The following GLIS3 variants were observed in gnomAD, a reference collection of about 807,000 sequenced individuals.
GLIS3 encodes the protein zinc finger protein GLIS3.
GLIS3 carries 53 observed loss-of-function variants against 78.6 expected under a neutral mutation model. The observed-to-expected ratio is 0.67, with a 90% CI of 0.54 to 0.85. The LOEUF (loss-of-function observed/expected upper bound fraction) is 0.85. GLIS3 is among the 40% of genes least tolerant of loss of function. The pLI is 0.00. For missense variants in GLIS3, 1,703 were observed against 1,231.1 expected, an observed-to-expected ratio of 1.38 and a Z score of -5.74; for synonymous variants, 684 against 509.9, an observed-to-expected ratio of 1.34 and a Z score of -4.60.
At chr9:4,412,514 T>C in the GLIS3 span, among the ~76,000 whole-genome samples, 1 of 152,178 alleles carries the variant, frequency 6.6e-6, no homozygotes, top group African/African-American at 2.4e-5. Context: ...TTTGTATCTC[T>C]GTGTATTCCC....
chr9:4,162,317 A>T (rs1020637379), intron 2 of GLIS3, among the ~76,000 whole-genome samples: 3 of 152,140 alleles, frequency 2.0e-5, no homozygotes, highest in African/African-American at 7.2e-5. Flanking sequence ...CTATCTCCAG[A>T]AAAACAAAAG....
chr9:4,368,673 G>A, the GLIS3 span, among the ~76,000 whole-genome samples: 1 of 152,140 alleles, frequency 6.6e-6, no homozygotes, highest in Non-Finnish European at 1.5e-5. Context: ...CTCTTCTTAA[G>A]CCAAGCACTG....
intron 4 of GLIS3, among the ~76,000 whole-genome samples, chr9:4,067,080 T>C (rs749532242): frequency 1.3e-5 from 2 of 152,202 alleles, no homozygotes; most frequent in African/African-American, 2.4e-5. Flanking sequence ...TCCTAGTTCC[T>C]TCCTTCCACA....
chr9:4,181,326 G>A (rs1188640249), intron 2 of GLIS3, among the ~76,000 whole-genome samples: 1 of 152,162 alleles, frequency 6.6e-6, no homozygotes. Flanking sequence ...ACCATCCTCA[G>A]ACCCATCCCA....
At chr9:3,958,983 C>T (rs575429628) in intron 4 of GLIS3, among the ~76,000 whole-genome samples, 4 of 152,288 alleles carry the variant, frequency 2.6e-5, no homozygotes, top group African/African-American at 7.2e-5. Context: ...TATAGGAAAG[C>T]CTTGGGCTCT....
At chr9:4,282,436 G>C (rs1827643530) in intron 2 of GLIS3, among the ~76,000 whole-genome samples, 1 of 152,154 alleles carries the variant, frequency 6.6e-6, no homozygotes, top group African/African-American at 2.4e-5. Flanking sequence ...GTCCTGAATA[G>C]AACAAGGTTG....
At chr9:4,436,755 G>A in the GLIS3 span, among the ~76,000 whole-genome samples, 4 of 134,362 alleles carry the variant, frequency 3.0e-5, no homozygotes, top group Non-Finnish European at 4.6e-5. Context: ...GCAGTGAGCC[G>A]AGATTGCACC....
chr9:4,101,035 A>G (rs1830332400), intron 4 of GLIS3, among the ~76,000 whole-genome samples: 1 of 152,236 alleles, frequency 6.6e-6, no homozygotes, highest in Non-Finnish European at 1.5e-5. Flanking sequence ...TGAAGGAAAC[A>G]TAAATCACAG....
At chr9:3,984,378 A>G (rs1215590531) in intron 4 of GLIS3, among the ~76,000 whole-genome samples, 1 of 152,216 alleles carries the variant, frequency 6.6e-6, no homozygotes, top group African/African-American at 2.4e-5. Context: ...CCTGGATGTG[A>G]GACATGGAGT....
At chr9:3,874,388 C>T (rs949603451) in intron 8 of GLIS3, among the ~76,000 whole-genome samples, 1 of 152,216 alleles carries the variant, frequency 6.6e-6, no homozygotes, top group Non-Finnish European at 1.5e-5. Flanking sequence ...TCCCGTATGC[C>T]TTGACCTATA....
chr9:4,321,336 G>C (rs112457914), intron 2 of GLIS3, among the ~76,000 whole-genome samples: 23 of 125,490 alleles, frequency 1.8e-4, no homozygotes, highest in African/African-American at 8.9e-4. Flanking sequence ...GCAGGAGAAT[G>C]GCGTGAACCC....
At chr9:4,135,357 C>G (rs1368532539) in intron 2 of GLIS3, among the ~76,000 whole-genome samples, 2 of 152,138 alleles carry the variant, frequency 1.3e-5, no homozygotes, top group Non-Finnish European at 2.9e-5. Flanking sequence ...TGAACTCTAA[C>G]AGGTGAATGT....
At chr9:3,832,191 A>G (rs896246370) in intron 9 of GLIS3, among the ~76,000 whole-genome samples, 6 of 150,032 alleles carry the variant, frequency 4.0e-5, no homozygotes, top group African/African-American at 1.5e-4. Flanking sequence ...ATACAATTTT[A>G]TAATTAGCAT....
At chr9:4,224,701 C>G (rs1003068304) in intron 2 of GLIS3, among the ~76,000 whole-genome samples, 1 of 149,890 alleles carries the variant, frequency 6.7e-6, no homozygotes, top group Non-Finnish European at 1.5e-5. Context: ...CCCCCACTTA[C>G]CTGTTTTTCA....
chr9:4,114,921 C>T (rs965139122), intron 4 of GLIS3, among the ~76,000 whole-genome samples: 2 of 152,210 alleles, frequency 1.3e-5, no homozygotes, highest in Non-Finnish European at 2.9e-5. Flanking sequence ...CCCAGTTCTG[C>T]CACCCAGAAT....
intron 2 of GLIS3, among the ~76,000 whole-genome samples, chr9:4,145,622 T>TTTTACAGCCCAA (rs1379997673): frequency 3.3e-5 from 5 of 152,084 alleles, no homozygotes; most frequent in African/African-American, 1.2e-4. Flanking sequence ...ACAGCCCGAC[T>TTTTACAGCCCAA]CTGAGAGCAG....
At chr9:4,448,517 T>C in the GLIS3 span, among the ~76,000 whole-genome samples, 2 of 152,238 alleles carry the variant, frequency 1.3e-5, no homozygotes, top group African/African-American at 2.4e-5. Context: ...TTCAGCCTCA[T>C]GTTCTTTCTT....
Position 3,982,299 on chromosome 9 carries a change from T to C in GLIS3, c.1711-45110A>G, listed in dbSNP as rs532024686. ...TCTTATTGTCTCTTTTTTCACTCCTTTGTATTAAACGCAGCTCCTATCCAA... is the reference window on the plus strand; with the variant it reads ...TCTTATTGTCTCTTTTTTCACTCCTCTGTATTAAACGCAGCTCCTATCCAA... On this transcript the variant is annotated intron_variant, in intron 4 of 10. Transcript: ENST00000381971. Among the ~76,000 whole-genome samples, 15 of 152,220 alleles carry C rather than the reference T, an allele frequency of 9.9e-5. No individual in the cohort carries two copies. The South Asian group carries it at 1.7e-3, about 17-fold the overall frequency.
intron 2 of GLIS3, among the ~76,000 whole-genome samples, chr9:4,213,223 C>G (rs973576149): frequency 1.3e-5 from 2 of 152,134 alleles, no homozygotes; most frequent in African/African-American, 4.8e-5. Context: ...CTTCCTTTGT[C>G]TCCCTTAGCC....
Sources: allele counts gnomAD v4.1 joint callset (sites outside exome capture counted in the v4.1 genomes callset), GRCh38; gene constraint gnomAD v4.1.1; transcripts MANE v1.5; gene names NCBI Gene and HGNC (gene_info 2026-07-23, HGNC 2026-07-21).